The following ASMTL variants were observed in gnomAD, a reference collection of about 807,000 sequenced individuals.
The protein encoded by ASMTL is acetylserotonin O-methyltransferase like.
Under a neutral mutation model 60.3 loss-of-function variants are expected in ASMTL, and 57 were observed. The ratio of observed to expected loss-of-function variants is 0.95; its 90% CI spans 0.76 to 1.18. The LOEUF (loss-of-function observed/expected upper bound fraction) is 1.18, where lower values mean the gene tolerates loss of function less well. Ranked by LOEUF, ASMTL falls within the 50% of genes most tolerant of loss-of-function variation. The probability of loss-of-function intolerance (pLI) is 0.00; values close to 1 mark genes in which losing one functional copy is unlikely to be tolerated. For synonymous variants in ASMTL, 419 were observed against 373.0 expected, an observed-to-expected ratio of 1.12 and a Z score of -1.42; for missense variants, 981 against 852.6, an observed-to-expected ratio of 1.15 and a Z score of -1.88.
rs371724617 is a variant in ASMTL, at chrX:1,435,041, G to A, written c.381C>T (p.Ile127=). ...REHSVFTGVA[I]VHCSSKDHQL... is the part of the protein sequence containing the mutation. ...GGTTACCTTTGCTGGAGCAGTGGAC[G>A]ATCGCGACACCTGTGAACACGCTGT... is the stretch of plus-strand genomic sequence containing the variant. The change falls in exon 5 of 13, where the codon ATC becomes ATT. Residue 127 remains isoleucine (I), a synonymous_variant. Coordinates refer to ENST00000381317, the MANE Select transcript of ASMTL (RefSeq NM_004192.4). The A allele has an allele frequency of 1.8e-5, 29 of 1,613,806 alleles. No individual in the cohort carries two copies. The highest frequency in any genetic ancestry group is 1.7e-4 in the African/African-American group (13 of 74,912).
At chrX:1,412,004 A>G (rs1276344096) in intron 12 of ASMTL, among the ~76,000 whole-genome samples, 1 of 150,938 alleles carries the variant, frequency 6.6e-6, no homozygotes, top group Non-Finnish European at 1.5e-5. Context: ...TTTAATAGAG[A>G]CGGGGTTTCA....
At position 1,418,053 on chromosome X, in the gene ASMTL, AAC is replaced by A. The variant is rs745709788; in HGVS notation, c.1440_1441del (p.Phe481Ter). 9 of 1,613,482 alleles carry A rather than the reference AAC, an allele frequency of 5.6e-6. No homozygotes were observed. In the East Asian group the frequency reaches 6.7e-5, roughly 12 times the overall value. ...CAGCTCGATAATGTCTGGGAGGTCA[AAC>A]ACAGTCACCTGCATACGAGGGTACT... On this transcript the variant is annotated frameshift_variant, in exon 11 of 13. Coordinates refer to ENST00000381317, the MANE Select transcript of ASMTL (RefSeq NM_004192.4). LOFTEE classifies it high-confidence loss of function.
chrX:1,412,601 G>A (rs1480173580), intron 12 of ASMTL, 131 bp downstream of exon 12: 8 of 1,227,706 alleles, frequency 6.5e-6, no homozygotes, highest in African/African-American at 1.5e-5. Context: ...GACCTCAGGT[G>A]ATCCGCCCGC....
chrX:1,452,283 AG>A (rs1200852922), intron 1 of ASMTL, among the ~76,000 whole-genome samples: 1 of 115,804 alleles, frequency 8.6e-6, no homozygotes, highest in East Asian at 2.7e-4. Flanking sequence ...CCCCATCCCT[AG>A]GGGGGGTCTC....
In ASMTL at chrX:1,452,886, C is replaced by T. The variant is rs1156861483; in HGVS notation, c.-46G>A. 5 of 1,410,814 alleles carry T rather than the reference C, an allele frequency of 3.5e-6. No individual in the cohort carries two copies. In the Admixed American group the frequency reaches 7.2e-5, roughly 20 times the overall value. 87.4% of individuals were successfully genotyped at this position (1,410,814 alleles called of 1,614,324 possible). A position where few individuals can be genotyped will look rare whatever the true frequency, so the allele number is the denominator to read the frequency against. On this transcript the variant is annotated 5_prime_UTR_variant, in exon 1 of 13. Transcript: ENST00000381317. ...GGCGTCCGCACTTCTGAGCCCGGAG[C>T]CCGCGGTGCGCGCAGCGCGGCTGCA...
chrX:1,437,502 G>A (rs28862989), intron 3 of ASMTL, among the ~76,000 whole-genome samples: 30,877 of 148,190 alleles, frequency 0.21, 4,479 homozygotes, highest in African/African-American at 0.42. Context: ...TCACAGGGTC[G>A]TCCCTCTGTG....
At chrX:1,411,467 C>T (rs1198669517) in intron 12 of ASMTL, among the ~76,000 whole-genome samples, 7 of 152,266 alleles carry the variant, frequency 4.6e-5, no homozygotes, top group South Asian at 2.1e-4. Flanking sequence ...AGCCCTGGCC[C>T]GAACCCCTGG....
At chrX:1,415,744 G>C (rs1349680214) in intron 11 of ASMTL, among the ~76,000 whole-genome samples, 1 of 152,224 alleles carries the variant, frequency 6.6e-6, no homozygotes, top group African/African-American at 2.4e-5. Flanking sequence ...GGGATTACAG[G>C]CGTGAGCTAC....
chrX:1,423,930 A>C (rs1364885053), intron 8 of ASMTL, among the ~76,000 whole-genome samples: 3 of 149,808 alleles, frequency 2.0e-5, no homozygotes, highest in African/African-American at 7.4e-5. Flanking sequence ...TGATGGATCC[A>C]CTGATCCATG....
Position 1,439,637 on chromosome X carries a change from A to G in ASMTL, c.226-493T>C, listed in dbSNP as rs1179130974. Among the ~76,000 whole-genome samples, 11 of 152,240 alleles carry G rather than the reference A, an allele frequency of 7.2e-5. No individual in the cohort carries two copies. In the South Asian group the frequency reaches 2.1e-3, roughly 29 times the overall value. Reference sequence around the variant, plus strand: ...CGAGGCGGGCGCATCTCCTGAGGTCAGGAGTTCGAGACCAGCCTGGCCAAC... The same window carrying G: ...CGAGGCGGGCGCATCTCCTGAGGTCGGGAGTTCGAGACCAGCCTGGCCAAC... On this transcript the variant is annotated intron_variant, in intron 2 of 12. Coordinates refer to ENST00000381317, the MANE Select transcript of ASMTL (RefSeq NM_004192.4).
chrX:1,451,680 TC>T (rs1314022926), intron 1 of ASMTL, among the ~76,000 whole-genome samples: 3 of 129,674 alleles, frequency 2.3e-5, no homozygotes, highest in Non-Finnish European at 3.3e-5. Context: ...TTCCTAGGGG[TC>T]CCGGGTTACT....
chrX:1,416,348 GT>G (rs1569532075), intron 11 of ASMTL, among the ~76,000 whole-genome samples: 3,121 of 99,640 alleles, frequency 0.031, 665 homozygotes, highest in Non-Finnish European at 0.045. Context: ...TACAGATACA[GT>G]GACAGGCACA....
chrX:1,403,493 A>C lies in ASMTL; in HGVS notation c.1646-4T>G. The stretch of plus-strand genomic sequence containing the variant: ...TCCACCAGCAGCAGGCCGGCCCCTG[A>C]GGGAGACAGCAGAGAGCTGGAGTCC... On this transcript the variant is annotated splice_region_variant and splice_polypyrimidine_tract_variant and intron_variant, in intron 12 of 12. Coordinates refer to ENST00000381317, the MANE Select transcript of ASMTL (RefSeq NM_004192.4). The C allele has an allele frequency of 6.2e-7, 1 of 1,612,522 alleles. No individual in the cohort carries two copies. The highest frequency in any genetic ancestry group is 1.1e-5 in the South Asian group (1 of 91,066).
chrX:1,404,847 G>A (rs1393595316), intron 12 of ASMTL, among the ~76,000 whole-genome samples: 1 of 151,024 alleles, frequency 6.6e-6, no homozygotes, highest in Non-Finnish European at 1.5e-5. Flanking sequence ...TGGATAGGTA[G>A]GAAGATGAAT....
At position 1,407,258 on chromosome X, in the gene ASMTL, AGATG is replaced by A. The variant is rs1217051095; in HGVS notation, c.1646-3773_1646-3770del. Among the ~76,000 whole-genome samples the A allele has an allele frequency of 2.7e-5, 4 of 149,186 alleles. No homozygotes were observed. In the East Asian group the frequency reaches 8.0e-4, roughly 30 times the overall value. ...TAGGTAGGTAGATGGATGGATGGAT[AGATG>A]GATGCATGGATGAGATGGATGGATG... On this transcript the variant is annotated intron_variant, in intron 12 of 12. Transcript: ENST00000381317.
chrX:1,421,580 G>A (rs1375371312), intron 9 of ASMTL, 78 bp downstream of exon 9: 9 of 1,470,378 alleles, frequency 6.1e-6, no homozygotes, highest in Non-Finnish European at 8.5e-6. Context: ...TGGTCAAGGT[G>A]CCTACTGATC....
chrX:1,453,754 A>C (rs193073445), upstream of ASMTL: 973 of 64,252 alleles, frequency 0.015, no homozygotes, highest in Middle Eastern at 0.051. Flanking sequence ...GTGGGAGGGG[A>C]GTGGAGATGG....
At chrX:1,433,921 A>T (rs1288916144) in intron 5 of ASMTL, among the ~76,000 whole-genome samples, 10 of 152,050 alleles carry the variant, frequency 6.6e-5, no homozygotes, top group Non-Finnish European at 1.5e-4. Context: ...CGAGCAAATG[A>T]CCCAACCTGA....
chrX:1,437,471 C>T (rs751788155), intron 3 of ASMTL, among the ~76,000 whole-genome samples: 119 of 151,062 alleles, frequency 7.9e-4, no homozygotes, highest in African/African-American at 2.6e-3. Flanking sequence ...GGCTTGGAGA[C>T]GCCGTCTTCC....
Sources: allele counts gnomAD v4.1 joint callset (sites outside exome capture counted in the v4.1 genomes callset), GRCh38; gene constraint gnomAD v4.1.1; transcripts MANE v1.5; gene names NCBI Gene and HGNC (gene_info 2026-07-23, HGNC 2026-07-21).